Variants in SGCB observed in about 807,000 individuals in gnomAD.
SGCB encodes beta-sarcoglycan.
A neutral mutation model predicts 27.3 loss-of-function variants in SGCB; 25 were observed. The ratio of observed to expected loss-of-function variants is 0.92; its 90% CI spans 0.67 to 1.28. SGCB has a LOEUF of 1.28. Among genes scored for constraint, SGCB ranks in the 50% most tolerant of loss-of-function variants. The pLI is 0.00. For synonymous variants in SGCB, 147 were observed against 133.5 expected, an observed-to-expected ratio of 1.10 and a Z score of -0.70; for missense variants, 436 against 402.1, an observed-to-expected ratio of 1.08 and a Z score of -0.72.
In SGCB at chr4:52,028,741, A is replaced by G. The variant is rs886044156; in HGVS notation, c.610T>C (p.Ser204Pro). Residue 204 changes from serine (S) to proline (P), a missense_variant, in exon 4 of 6, where the codon TCT becomes CCT. Coordinates refer to ENST00000381431, the MANE Select transcript of SGCB (RefSeq NM_000232.5). ...GVKSLNVQKASTERITSNATS... is the reference protein window; with the variant it reads ...GVKSLNVQKAPTERITSNATS... ...CCAATAAATCATACCCTTTCAGTAG[A>G]TGCCTTTTGAACATTCAAACTTTTC... is the stretch of plus-strand genomic sequence containing the variant. 2 of 1,608,898 alleles carry G rather than the reference A, an allele frequency of 1.2e-6. No individual in the cohort carries two copies. Among genetic ancestry groups the G allele is most frequent in the South Asian group, 2.2e-5 (2 of 90,928 alleles).
rs1737019637 is a variant in SGCB at position 52,024,005 on chromosome 4, C to G, written c.909G>C (p.Gln303His). The G allele has an allele frequency of 6.2e-7, 1 of 1,614,190 alleles. No homozygotes were observed. The highest frequency in any genetic ancestry group is 1.1e-5 in the South Asian group (1 of 91,086). ...TGTCTGAGATTTGGCAGCCCATGTT[C>G]TGGCTGGTTACTTGCACCTTGAAGA... ...GTLFKVQVTS[Q>H]NMGCQISDNP... The change falls in exon 6 of 6, where the codon CAG becomes CAC. Residue 303 changes from glutamine (Q) to histidine (H), a missense_variant. Transcript: ENST00000381431.
chr4:52,027,949 C>T lies in SGCB; in HGVS notation c.753+19G>A, dbSNP rs757364828. ...CCAAGAACCTAATAATTCTCTTAAG[C>T]TCTTAAAAGAATACTCACCGCCTTT... On this transcript the variant is annotated intron_variant, in intron 5 of 5. Transcript: ENST00000381431. 6.2e-7 allele frequency: 1 copy of T among 1,606,768 alleles called. No homozygotes were observed. Among genetic ancestry groups the T allele is most frequent in the South Asian group, 1.1e-5 (1 of 90,930 alleles).
rs1578125189 is a variant in SGCB at position 52,028,094 on chromosome 4, G to A, written c.627C>T (p.Thr209=). 1.2e-6 allele frequency: 2 copies of A among 1,611,550 alleles called. No individual in the cohort carries two copies. Among genetic ancestry groups the A allele is most frequent in the Non-Finnish European group, 1.7e-6 (2 of 1,177,990 alleles). ...NVQKASTERI[T]SNATSDLNIK... is the part of the protein sequence containing the mutation. ...TATTTAAATCACTGGTAGCATTGCT[G>A]GTAATCTGAAAATTTAAAAAACAAG... is the stretch of plus-strand genomic sequence containing the variant. The change falls in exon 5 of 6, where the codon ACC becomes ACT. Residue 209 remains threonine, a synonymous_variant. Coordinates refer to ENST00000381431, the MANE Select transcript of SGCB (RefSeq NM_000232.5).
intron 5 of SGCB, among the ~76,000 whole-genome samples, chr4:52,024,826 TC>T (rs1262065878): frequency 0.038 from 2,159 of 56,772 alleles, 93 homozygotes; most frequent in South Asian, 0.051. Flanking sequence ...AGACACTGTC[TC>T]AAAAAAAAAA....
At chr4:52,024,653 C>A (rs183434038) in intron 5 of SGCB, among the ~76,000 whole-genome samples, 28 of 151,854 alleles carry the variant, frequency 1.8e-4, no homozygotes, top group Admixed American at 1.4e-3. Flanking sequence ...ACGGTGAAAC[C>A]TCGTCTCTAC....
Position 52,028,846 on chromosome 4 carries a change from G to C in SGCB, c.505C>G (p.Gln169Glu), listed in dbSNP as rs749448157. The C allele has an allele frequency of 3.7e-6, 6 of 1,613,322 alleles. No homozygotes were observed. The highest frequency in any genetic ancestry group is 5.1e-6 in the Non-Finnish European group (6 of 1,179,444). The change falls in exon 4 of 6, where the codon CAG becomes GAG. Residue 169 changes from glutamine (Q) to glutamate (E), a missense_variant. Coordinates refer to ENST00000381431, the MANE Select transcript of SGCB (RefSeq NM_000232.5). ...KTSITSDIGM[Q>E]FFDPRTQNIL... Reference sequence around the variant, plus strand: ...TTTTGAGTCCTCGGGTCAAAAAACTGCATGCCGATGTCACTTGTAATAGAA... The same window carrying C: ...TTTTGAGTCCTCGGGTCAAAAAACTCCATGCCGATGTCACTTGTAATAGAA...
chr4:52,030,733 C>T (rs573677705), intron 2 of SGCB, among the ~76,000 whole-genome samples: 127 of 152,306 alleles, frequency 8.3e-4, no homozygotes, highest in African/African-American at 2.9e-3. Flanking sequence ...TACGTTCATG[C>T]TGAACTTCCT....
In SGCB at chr4:52,033,584, CCTT is replaced by C. The variant is rs780654411; in HGVS notation, c.87_89del (p.Arg30del). The C allele has an allele frequency of 1.7e-5, 28 of 1,613,822 alleles. No homozygotes were observed. The highest frequency in any genetic ancestry group is 2.4e-5 in the Non-Finnish European group (28 of 1,179,870). ...TACTGTTGTGCTCTTTATTGACACT[CCTT>C]CTCTCAACAGCCTTCTCACGCATGG... is the stretch of plus-strand genomic sequence containing the variant. On this transcript the variant is annotated inframe_deletion, in exon 2 of 6. Transcript: ENST00000381431.
intron 4 of SGCB, among the ~76,000 whole-genome samples, chr4:52,028,376 G>T (rs542128065): frequency 6.6e-6 from 1 of 152,212 alleles, no homozygotes; most frequent in African/African-American, 2.4e-5. Context: ...GGTGGCTCAC[G>T]CCTGTAATCC....
At position 52,033,425 on chromosome 4, in the gene SGCB, A is replaced by T. The variant is rs146888744; in HGVS notation, c.243+6T>A. ...AATTAAAATGAGTATTCTTACAAAT[A>T]CTCACTATTAAATTGATGACAGCCA... On this transcript the variant is annotated splice_donor_region_variant and intron_variant, in intron 2 of 5. Transcript: ENST00000381431. 437 of 1,579,584 alleles carry T rather than the reference A, an allele frequency of 2.8e-4. No homozygotes were observed. The East Asian group carries it at 8.6e-3, about 31-fold the overall frequency.
Position 52,022,099 on chromosome 4 carries a change from C to T in SGCB, c.*1858G>A, listed in dbSNP as rs1404654013. 1 of 152,114 alleles carries T rather than the reference C, an allele frequency of 6.6e-6. No homozygotes were observed. Among genetic ancestry groups the T allele is most frequent in the Non-Finnish European group, 1.5e-5 (1 of 68,018 alleles). 9.4% of individuals were successfully genotyped at this position (152,114 alleles called of 1,614,324 possible). A position where few individuals can be genotyped will look rare whatever the true frequency, so the allele number is the denominator to read the frequency against. ...TTCGGCATTTTTTTCTGAATTCAGACATTAAATGATACTGAATATATTCAA... is the reference window on the plus strand; with the variant it reads ...TTCGGCATTTTTTTCTGAATTCAGATATTAAATGATACTGAATATATTCAA... On this transcript the variant is annotated 3_prime_UTR_variant, in exon 6 of 6. Transcript: ENST00000381431.
At chr4:52,028,472 C>T (rs1737165674) in intron 4 of SGCB, among the ~76,000 whole-genome samples, 1 of 152,078 alleles carries the variant, frequency 6.6e-6, no homozygotes, top group Non-Finnish European at 1.5e-5. Context: ...CCCGTCTCTA[C>T]TAAAAATACA....
intron 5 of SGCB, among the ~76,000 whole-genome samples, chr4:52,026,307 G>A (rs1452618138): frequency 3.1e-5 from 4 of 130,078 alleles, no homozygotes; most frequent in Non-Finnish European, 4.6e-5. Context: ...CTCCCAGGCT[G>A]GAGTGCAGTG....
chr4:52,024,566 T>G (rs1737037242), intron 5 of SGCB, among the ~76,000 whole-genome samples: 7 of 152,046 alleles, frequency 4.6e-5, no homozygotes, highest in Admixed American at 4.6e-4. Flanking sequence ...CGGTGGCTCA[T>G]GCCTGTAATC....
Position 52,028,041 on chromosome 4 carries a change from C to A in SGCB, c.680G>T (p.Arg227Leu). The A allele has an allele frequency of 6.2e-7, 1 of 1,612,796 alleles. No individual in the cohort carries two copies. The highest frequency in any genetic ancestry group is 8.5e-7 in the Non-Finnish European group (1 of 1,178,866). Residue 227 changes from arginine (R) to leucine (L), a missense_variant, in exon 5 of 6, where the codon CGT becomes CTT. Coordinates refer to ENST00000381431, the MANE Select transcript of SGCB (RefSeq NM_000232.5). ...NIKVDGRAIV[R>L]GNEGVFIMGK... ...CATAATGAATACACCTTCATTTCCA[C>A]GCACAATAGCACGCCCATCAACTTT...
chr4:52,031,406 A>ATATG (rs746383683), intron 2 of SGCB, among the ~76,000 whole-genome samples: 16 of 142,818 alleles, frequency 1.1e-4, no homozygotes, highest in Non-Finnish European at 1.6e-4. Flanking sequence ...GTGTGTGTGT[A>ATATG]TGTGTGTGTG....
intron 5 of SGCB, among the ~76,000 whole-genome samples, chr4:52,027,384 C>A: frequency 6.6e-6 from 1 of 151,736 alleles, no homozygotes. Context: ...AAGACAAAAA[C>A]CTCTTTCCTT....
chr4:52,030,541 C>T (rs1255891304), intron 2 of SGCB, among the ~76,000 whole-genome samples: 1 of 152,102 alleles, frequency 6.6e-6, no homozygotes, highest in East Asian at 1.9e-4. Context: ...TCAAATCCTC[C>T]ACTATTTCTG....
At chr4:52,028,426 A>C (rs1490806523) in intron 4 of SGCB, among the ~76,000 whole-genome samples, 1 of 152,180 alleles carries the variant, frequency 6.6e-6, no homozygotes, top group Non-Finnish European at 1.5e-5. Flanking sequence ...TCACGAGGTC[A>C]GGAGATCGAG....
Sources: gnomAD v4.1 joint callset for allele counts (sites outside exome capture counted in the v4.1 genomes callset) on GRCh38, gnomAD v4.1.1 for gene constraint, MANE v1.5 for transcripts, NCBI Gene and HGNC (gene_info 2026-07-23, HGNC 2026-07-21) for gene names.